Variants in SUCLA2 observed in about 807,000 individuals in gnomAD.
SUCLA2 encodes succinate--CoA ligase [ADP-forming] subunit beta, mitochondrial.
SUCLA2 carries 30 observed loss-of-function variants against 54.8 expected under a neutral mutation model. That is an observed-to-expected ratio of 0.55 (90% confidence interval 0.41 to 0.74). The LOEUF (loss-of-function observed/expected upper bound fraction) is 0.74. SUCLA2 is among the 30% of genes least tolerant of loss of function. SUCLA2 has a pLI of 0.00. For synonymous variants in SUCLA2, 172 were observed against 188.9 expected, an observed-to-expected ratio of 0.91 and a Z score of 0.74; for missense variants, 476 against 562.9, an observed-to-expected ratio of 0.85 and a Z score of 1.56.
chr13:47,991,860 T>C (rs1485627758), intron 2 of SUCLA2, among the ~76,000 whole-genome samples: 1 of 152,218 alleles, frequency 6.6e-6, no homozygotes, highest in African/African-American at 2.4e-5. Context: ...ACCCTGTCTC[T>C]ACTATTCACA....
In SUCLA2 at chr13:47,943,413, C is replaced by T. The variant is rs144969057; in HGVS notation, c.1350G>A (p.Ala450=). The change falls in exon 11 of 11, where the codon GCG becomes GCA. Residue 450 remains alanine, a synonymous_variant. Transcript: ENST00000646932. ...ATTTCACATCCACATGTGCTTGCTTCGCTAAGGTCACTATTTCAGAGAGCT... is the reference window on the plus strand; with the variant it reads ...ATTTCACATCCACATGTGCTTGCTTTGCTAAGGTCACTATTTCAGAGAGCT... ...VVKLSEIVTL[A]KQAHVDVKFQ... 1,262 of 1,613,806 alleles carry T rather than the reference C, an allele frequency of 7.8e-4. 4 individuals carry two copies. Among genetic ancestry groups the T allele is most frequent in the South Asian group, 2.5e-3 (228 of 91,072 alleles).
chr13:47,993,328 C>G (rs2137749177), intron 2 of SUCLA2, among the ~76,000 whole-genome samples: 1 of 152,294 alleles, frequency 6.6e-6, no homozygotes, highest in Middle Eastern at 3.4e-3. Flanking sequence ...GAACTGACCC[C>G]AAATAATATC....
At chr13:47,966,872 C>G (rs866467345) in intron 6 of SUCLA2, among the ~76,000 whole-genome samples, 1 of 151,880 alleles carries the variant, frequency 6.6e-6, no homozygotes, top group Admixed American at 6.6e-5. Context: ...AAAGAATTAG[C>G]CAGGCATGGT....
intron 4 of SUCLA2, among the ~76,000 whole-genome samples, chr13:47,984,469 C>G (rs546972983): frequency 6.6e-6 from 1 of 151,864 alleles, no homozygotes; most frequent in Admixed American, 6.6e-5. Flanking sequence ...CCCAAAGTGT[C>G]GGGATTACAG....
intron 2 of SUCLA2, among the ~76,000 whole-genome samples, chr13:47,989,607 T>C (rs1166495622): frequency 6.6e-6 from 1 of 152,222 alleles, no homozygotes; most frequent in African/African-American, 2.4e-5. Context: ...AAGTGTCATC[T>C]AGAACTCTGG....
chr13:47,958,482 T>C (rs1019212858), intron 6 of SUCLA2, among the ~76,000 whole-genome samples: 1 of 152,214 alleles, frequency 6.6e-6, no homozygotes, highest in African/African-American at 2.4e-5. Flanking sequence ...TTTAAGTTCA[T>C]GTGAGTTAAG....
chr13:47,975,318 G>A (rs1350096144), intron 4 of SUCLA2, among the ~76,000 whole-genome samples: 1 of 151,970 alleles, frequency 6.6e-6, no homozygotes, highest in East Asian at 1.9e-4. Context: ...GCACCACCAT[G>A]CCCAGCTAAT....
At chr13:48,000,098 T>C (rs1443638072) in intron 1 of SUCLA2, among the ~76,000 whole-genome samples, 3 of 145,056 alleles carry the variant, frequency 2.1e-5, no homozygotes, top group Non-Finnish European at 4.5e-5. Context: ...CAGAACTCAC[T>C]ACCCCTAGGC....
rs1214396510 is a variant in SUCLA2 at position 48,000,802 on chromosome 13, T to TC, written c.90+377dup. On this transcript the variant is annotated intron_variant, in intron 1 of 10. Coordinates refer to ENST00000646932, the MANE Select transcript of SUCLA2 (RefSeq NM_003850.3). ...ACACAAAAGTACTTTTGAAGGGCAT[T>TC]CCCCCCTGCCCAAAAAGGGGCGGCG... 1.5e-5 allele frequency: 15 copies of TC among 1,021,984 alleles called. No homozygotes were observed. In the African/African-American group the frequency reaches 1.5e-4, roughly 10 times the overall value. The allele number at this position is 1,021,984 out of a possible 1,614,324, so 63.3% of individuals were successfully genotyped here. A position where few individuals can be genotyped will look rare whatever the true frequency, so the allele number is the denominator to read the frequency against.
At chr13:47,964,640 A>G (rs56006951) in intron 6 of SUCLA2, among the ~76,000 whole-genome samples, 7,719 of 152,194 alleles carry the variant, frequency 0.051, 279 homozygotes, top group Middle Eastern at 0.14. Context: ...GGCGGATCAC[A>G]AGGCCAGGAG....
chr13:47,949,490 C>A lies in SUCLA2; in HGVS notation c.1221G>T (p.Arg407=), dbSNP rs1234676179. ...GATACCTTTTATACTCACCTTGTAA[C>A]CGTACCACAACAGGTATTTTAATTT... ...DLEIKIPVVV[R]LQGTRVDDAK... Residue 407 remains arginine (R), a synonymous_variant, in exon 9 of 11, where the codon CGG becomes CGT. Transcript: ENST00000646932. The A allele has an allele frequency of 6.2e-7, 1 of 1,613,338 alleles. No homozygotes were observed. Among genetic ancestry groups the A allele is most frequent in the Non-Finnish European group, 8.5e-7 (1 of 1,179,582 alleles).
intron 4 of SUCLA2, among the ~76,000 whole-genome samples, chr13:47,974,567 C>A (rs750706412): frequency 6.6e-6 from 1 of 151,728 alleles, no homozygotes; most frequent in African/African-American, 2.4e-5. Flanking sequence ...AGCATGGGGA[C>A]AGAGAAAGAC....
intron 6 of SUCLA2, 124 bp from the exon 7 acceptor site, chr13:47,954,681 T>A: frequency 9.5e-7 from 1 of 1,048,880 alleles, no homozygotes; most frequent in Non-Finnish European, 1.4e-6. Flanking sequence ...AATGAAAATA[T>A]TTCAATTTAT....
At chr13:47,954,639 T>C in intron 6 of SUCLA2, 82 bp from the exon 7 acceptor site, 1 of 1,410,110 alleles carries the variant, frequency 7.1e-7, no homozygotes, top group Non-Finnish European at 9.9e-7. Flanking sequence ...GTCTTTCATT[T>C]AGGGAAAAGA....
intron 2 of SUCLA2, among the ~76,000 whole-genome samples, chr13:47,995,098 G>A (rs1200296296): frequency 1.6e-4 from 25 of 152,332 alleles, no homozygotes; most frequent in Middle Eastern, 3.4e-3. Context: ...GCATGTGCCT[G>A]TAGTTCCAGC....
chr13:47,976,674 G>T (rs550411272), intron 4 of SUCLA2, among the ~76,000 whole-genome samples: 1 of 152,272 alleles, frequency 6.6e-6, no homozygotes, highest in South Asian at 2.1e-4. Context: ...TTTTTAACAG[G>T]TTGAGTACTC....
rs79335589 is a variant in SUCLA2, at chr13:47,952,241, C to T, written c.1107+1899G>A. On this transcript the variant is annotated intron_variant, in intron 8 of 10. Transcript: ENST00000646932. ...GTCCTTCGATGTCACCACTCTCTCC[C>T]GATCTGTTCTTATCTCTGTCATTTG... is the stretch of plus-strand genomic sequence containing the variant. Among the ~76,000 whole-genome samples the T allele has an allele frequency of 8.8e-3, 1,332 of 152,216 alleles. 29 individuals are homozygous for T. The highest frequency in any genetic ancestry group is 0.03 in the African/African-American group (1,240 of 41,546).
At chr13:47,979,004 G>A (rs984782185) in intron 4 of SUCLA2, among the ~76,000 whole-genome samples, 2 of 152,186 alleles carry the variant, frequency 1.3e-5, no homozygotes, top group African/African-American at 4.8e-5. Context: ...TCATTAAAAA[G>A]TCAGGAAACA....
chr13:47,984,448 C>G (rs906452804), intron 4 of SUCLA2, among the ~76,000 whole-genome samples: 12 of 151,822 alleles, frequency 7.9e-5, no homozygotes, highest in African/African-American at 1.2e-4. Flanking sequence ...ATGATCCGCC[C>G]GCCTCAGCCT....
Sources: gnomAD v4.1 joint callset for allele counts (sites outside exome capture counted in the v4.1 genomes callset) on GRCh38, gnomAD v4.1.1 for gene constraint, MANE v1.5 for transcripts, NCBI Gene and HGNC (gene_info 2026-07-23, HGNC 2026-07-21) for gene names.